RNF121: variants seen among roughly 807,000 people sequenced by gnomAD.
RNF121 encodes the protein E3 ubiquitin ligase RNF121.
Under a neutral mutation model 46.5 loss-of-function variants are expected in RNF121, and 21 were observed. The ratio of observed to expected loss-of-function variants is 0.45; its 90% CI spans 0.32 to 0.65. The LOEUF (loss-of-function observed/expected upper bound fraction) is 0.65, where lower values mean the gene tolerates loss of function less well. RNF121 is among the 30% of genes least tolerant of loss of function. The pLI is 0.04. For missense variants in RNF121, 346 were observed against 416.0 expected, an observed-to-expected ratio of 0.83 and a Z score of 1.46; for synonymous variants, 139 against 144.7, an observed-to-expected ratio of 0.96 and a Z score of 0.28.
chr11:71,931,350 G>A (rs1176988544), intron 1 of RNF121, among the ~76,000 whole-genome samples: 1 of 152,096 alleles, frequency 6.6e-6, no homozygotes, highest in East Asian at 1.9e-4. Flanking sequence ...TGGAAATTCC[G>A]TGTGGACTGG....
At chr11:71,974,988 G>T (rs1200249153) in intron 3 of RNF121, among the ~76,000 whole-genome samples, 1 of 152,162 alleles carries the variant, frequency 6.6e-6, no homozygotes, top group Non-Finnish European at 1.5e-5. Flanking sequence ...ATAAGTTTAT[G>T]CCTGGAAAAG....
At chr11:71,969,176 C>A (rs753732009) in intron 3 of RNF121, among the ~76,000 whole-genome samples, 1 of 152,020 alleles carries the variant, frequency 6.6e-6, no homozygotes. Context: ...CGTGAGCCAC[C>A]GTGCCTGGCC....
intron 4 of RNF121, among the ~76,000 whole-genome samples, chr11:71,986,591 C>A (rs1423193253): frequency 1.3e-5 from 2 of 151,722 alleles, no homozygotes; most frequent in Admixed American, 1.3e-4. Flanking sequence ...TATGGTGAAA[C>A]CCCGTCTCTA....
chr11:71,975,589 G>A lies in RNF121; in HGVS notation c.244-7172G>A, dbSNP rs531230815. ...TACTCCATTAAAGCACTTAATTGTG[G>A]TTATTTGTTTCTCCTCAGTAGACTT... On this transcript the variant is annotated intron_variant, in intron 3 of 8. Coordinates refer to ENST00000361756, the MANE Select transcript of RNF121 (RefSeq NM_018320.5). Among the ~76,000 whole-genome samples the A allele has an allele frequency of 2.6e-4, 39 of 152,238 alleles. No homozygotes were observed. In the Middle Eastern group the frequency reaches 0.01, roughly 40 times the overall value.
chr11:71,991,734 T>G (rs1281423316), intron 6 of RNF121, among the ~76,000 whole-genome samples: 1 of 152,020 alleles, frequency 6.6e-6, no homozygotes, highest in Non-Finnish European at 1.5e-5. Context: ...CTAAGACCAT[T>G]GCGGTTGTAT....
chr11:71,995,778 T>A (rs1428607371), intron 8 of RNF121, among the ~76,000 whole-genome samples: 1 of 152,230 alleles, frequency 6.6e-6, no homozygotes, highest in African/African-American at 2.4e-5. Flanking sequence ...TTGTCACGGA[T>A]AGATAGACTT....
At chr11:71,965,231 C>G (rs1398150130) in intron 3 of RNF121, among the ~76,000 whole-genome samples, 2 of 150,746 alleles carry the variant, frequency 1.3e-5, no homozygotes, top group South Asian at 2.1e-4. Context: ...ATATCATCCT[C>G]TTAAACTAAT....
At position 71,946,647 on chromosome 11, in the gene RNF121, GT is replaced by G. The variant is rs547977600; in HGVS notation, c.64-10564del. 2.6e-3 allele frequency among the ~76,000 whole-genome samples: 348 copies of G among 136,256 alleles called. 1 individual carries two copies. The highest frequency in any genetic ancestry group is 4.0e-3 in the East Asian group (19 of 4,776). 89.4% of individuals were successfully genotyped at this position (136,256 alleles called of 152,430 possible). A position where few individuals can be genotyped will look rare whatever the true frequency, so the allele number is the denominator to read the frequency against. On this transcript the variant is annotated intron_variant, in intron 1 of 8. Coordinates refer to ENST00000361756, the MANE Select transcript of RNF121 (RefSeq NM_018320.5). ...TGAGGAGTTAGTAAATGAGCATGAG[GT>G]TTTTTTTTTTTTTTTAGAGTGACGG...
rs542343416 is a variant in RNF121 at position 71,956,636 on chromosome 11, A to T, written c.64-591A>T. Among the ~76,000 whole-genome samples, 3 of 152,370 alleles carry T rather than the reference A, an allele frequency of 2.0e-5. No homozygotes were observed. In the East Asian group the frequency reaches 5.8e-4, roughly 29 times the overall value. ...GTAGCCTAGCGGCTACCATAGGGCC[A>T]TTTAGAGTCACATGGTGTTATATCT... On this transcript the variant is annotated intron_variant, in intron 1 of 8. Coordinates refer to ENST00000361756, the MANE Select transcript of RNF121 (RefSeq NM_018320.5).
chr11:71,978,307 A>G (rs576091001), intron 3 of RNF121: 25 of 268,862 alleles, frequency 9.3e-5, no homozygotes, highest in Admixed American at 5.4e-4. Flanking sequence ...CTCCCCAGGA[A>G]CTGGGTCCTT....
chr11:71,956,244 TAGATC>T (rs1267239505), intron 1 of RNF121, among the ~76,000 whole-genome samples: 6 of 152,206 alleles, frequency 3.9e-5, no homozygotes, highest in African/African-American at 1.4e-4. Context: ...CTCTCTTCTG[TAGATC>T]AGATCAAAGA....
chr11:71,984,328 G>A lies in RNF121; in HGVS notation c.398+1413G>A, dbSNP rs11235413. Among the ~76,000 whole-genome samples, 249 of 152,268 alleles carry A rather than the reference G, an allele frequency of 1.6e-3. 10 individuals carry two copies. The East Asian group carries it at 0.047, about 29-fold the overall frequency. On this transcript the variant is annotated intron_variant, in intron 4 of 8. Coordinates refer to ENST00000361756, the MANE Select transcript of RNF121 (RefSeq NM_018320.5). Reference sequence around the variant, plus strand: ...GTCTCGCTCTGTCGCCCAGGCTGGAGTGCAGTGGCACGATCTCGGCTCACT... The same window carrying A: ...GTCTCGCTCTGTCGCCCAGGCTGGAATGCAGTGGCACGATCTCGGCTCACT...
At chr11:71,977,830 C>A in intron 3 of RNF121, among the ~76,000 whole-genome samples, 1 of 152,302 alleles carries the variant, frequency 6.6e-6, no homozygotes, top group Middle Eastern at 3.4e-3. Flanking sequence ...GTGTTTATAT[C>A]GCATTAGCCA....
At chr11:71,956,621 G>A (rs1953997528) in intron 1 of RNF121, among the ~76,000 whole-genome samples, 1 of 152,176 alleles carries the variant, frequency 6.6e-6, no homozygotes, top group East Asian at 1.9e-4. Flanking sequence ...GTAGCCTAGC[G>A]GCTACCATAG....
rs1375497413 is a variant in RNF121 at position 71,960,889 on chromosome 11, A to T, written c.241A>T (p.Asn81Tyr). 6.2e-7 allele frequency: 1 copy of T among 1,613,580 alleles called. No homozygotes were observed. The highest frequency in any genetic ancestry group is 1.7e-5 in the Admixed American group (1 of 59,970). Reference protein sequence around the residue: ...QWKQRHPRSYNMVTLFQMWVV... With the variant: ...QWKQRHPRSYYMVTLFQMWVV... ...GAAGCAGAGGCACCCACGCTCCTACAATGTAAGCCACTTTGCCTCTTACTT... is the reference window on the plus strand; with the variant it reads ...GAAGCAGAGGCACCCACGCTCCTACTATGTAAGCCACTTTGCCTCTTACTT... Residue 81 changes from asparagine to tyrosine, a missense_variant and splice_region_variant, in exon 3 of 9, where the codon AAT (asparagine) becomes TAT (tyrosine). Physicochemically the swap from Asn to Tyr is moderately radical, Grantham distance 143 (BLOSUM62 -2). Transcript: ENST00000361756.
chr11:71,929,180 G>C, intron 1 of RNF121, 56 bp downstream of exon 1: 1 of 1,529,640 alleles, frequency 6.5e-7, no homozygotes, highest in Non-Finnish European at 8.8e-7. Flanking sequence ...GGGAGGGGCA[G>C]TGAGGTATCG....
intron 1 of RNF121, among the ~76,000 whole-genome samples, chr11:71,943,004 A>G (rs1953621671): frequency 6.6e-6 from 1 of 152,068 alleles, no homozygotes; most frequent in African/African-American, 2.4e-5. Context: ...CACTAATCCC[A>G]TTCATGAGGT....
rs779652745 is a variant in RNF121, at chr11:71,990,621, C to T, written c.531C>T (p.Asp177=). The T allele has an allele frequency of 6.2e-7, 1 of 1,614,134 alleles. No homozygotes were observed. Among genetic ancestry groups the T allele is most frequent in the Admixed American group, 1.7e-5 (1 of 60,012 alleles). The part of the protein sequence containing the change: ...LFKIKPEDAM[D]FGISLLFYGL... ...GGATCAAACCAGAAGATGCCATGGA[C>T]TTTGGCATCTCCCTTCTCTTCTATG... Residue 177 remains aspartate, a synonymous_variant, in exon 6 of 9, where the codon GAC becomes GAT. Transcript: ENST00000361756.
intron 7 of RNF121, 126 bp from the exon 8 acceptor site, chr11:71,995,324 C>A: frequency 1.3e-6 from 1 of 742,154 alleles, no homozygotes. Context: ...CAGGTTCAGA[C>A]ACAGGGACTT....
Sources: gnomAD v4.1 joint callset for allele counts (sites outside exome capture counted in the v4.1 genomes callset) on GRCh38, gnomAD v4.1.1 for gene constraint, MANE v1.5 for transcripts, NCBI Gene and HGNC (gene_info 2026-07-23, HGNC 2026-07-21) for gene names.